The following PRKCB variants were observed in gnomAD, a reference collection of about 807,000 sequenced individuals.
PRKCB encodes protein kinase C beta type.
PRKCB carries 13 observed loss-of-function variants against 81.5 expected under a neutral mutation model. That is an observed-to-expected ratio of 0.16 (90% CI 0.10 to 0.25). The LOEUF (loss-of-function observed/expected upper bound fraction) is 0.25. Among genes scored for constraint, PRKCB ranks in the 10% least tolerant of loss-of-function variants. The pLI is 1.00. For missense variants in PRKCB, 509 were observed against 875.7 expected (o/e 0.58, Z 5.29); for synonymous variants, 335 against 321.4 (o/e 1.04, Z -0.45).
intron 2 of PRKCB, chr16:23,869,062 C>A: frequency 4.4e-6 from 2 of 449,730 alleles, no homozygotes; most frequent in East Asian, 1.4e-4. Context: ...CCACCTCATA[C>A]AAGGATTATA....
intron 4 of PRKCB, 27 bp downstream of exon 4, chr16:24,032,274 T>A (rs1158196278): frequency 6.6e-7 from 1 of 1,517,668 alleles, no homozygotes; most frequent in Non-Finnish European, 9.1e-7. Context: ...TCTGGGGGCA[T>A]CTGCTGATGG....
At chr16:23,961,042 C>A (rs1405676856) in intron 2 of PRKCB, among the ~76,000 whole-genome samples, 2 of 151,996 alleles carry the variant, frequency 1.3e-5, no homozygotes, top group Non-Finnish European at 2.9e-5. Flanking sequence ...TAATTGGCAG[C>A]TCTTTCTTTT....
chr16:24,189,567 G>A (rs564757662), intron 15 of PRKCB, among the ~76,000 whole-genome samples: 8 of 151,302 alleles, frequency 5.3e-5, no homozygotes, highest in East Asian at 1.9e-4. Flanking sequence ...GCGTGAACCC[G>A]GGAGGTGGAG....
intron 5 of PRKCB, among the ~76,000 whole-genome samples, chr16:24,074,064 G>T (rs1163470465): frequency 6.6e-6 from 1 of 151,980 alleles, no homozygotes; most frequent in African/African-American, 2.4e-5. Flanking sequence ...GAACTCAGGA[G>T]GTGGAGCTTG....
chr16:24,219,928 G>T lies in PRKCB; in HGVS notation c.*5112G>T, dbSNP rs569466338. 11 of 1,608,230 alleles carry T rather than the reference G, an allele frequency of 6.8e-6. No homozygotes were observed. Among genetic ancestry groups the T allele is most frequent in the South Asian group, 4.4e-5 (4 of 90,388 alleles). The stretch of plus-strand genomic sequence containing the variant: ...CTTGGTCCTGTGTCTTTCTTCTTAC[G>T]CTGTGTTAATGTGTTTACTTTCCAT... On this transcript the variant is annotated 3_prime_UTR_variant, in exon 17 of 17. Transcript: ENST00000643927.
At chr16:24,004,819 T>A (rs1283313652) in intron 3 of PRKCB, among the ~76,000 whole-genome samples, 1 of 152,216 alleles carries the variant, frequency 6.6e-6, no homozygotes, top group Non-Finnish European at 1.5e-5. Flanking sequence ...CTAAATCTAA[T>A]CATTTTGACC....
rs190672722 is a variant in PRKCB at position 24,000,180 on chromosome 16, A to G, written c.288+11590A>G. 3.2e-3 allele frequency among the ~76,000 whole-genome samples: 483 copies of G among 152,346 alleles called. 1 individual carries two copies. The highest frequency in any genetic ancestry group is 0.011 in the African/African-American group (460 of 41,574). On this transcript the variant is annotated intron_variant, in intron 3 of 16. Transcript: ENST00000643927. ...GAGAGGAAGTATCTATGGTTAATCT[A>G]TTGCAGATCCTGTTAACCCAAGAGG...
In PRKCB at chr16:24,032,295, G is replaced by A. The variant is rs912119535; in HGVS notation, c.400+48G>A. ...GGCATCTGCTGATGGCAGAAGCAAT[G>A]GGAAGGGCTGCTTCCACTTGGTTTG... On this transcript the variant is annotated intron_variant, in intron 4 of 16. Transcript: ENST00000643927. 4.4e-6 allele frequency: 6 copies of A among 1,364,768 alleles called. No individual in the cohort carries two copies. The South Asian group carries it at 4.8e-5, about 11-fold the overall frequency. 84.5% of individuals were successfully genotyped at this position (1,364,768 alleles called of 1,614,324 possible).
At chr16:23,947,885 CT>C (rs3073131) in intron 2 of PRKCB, among the ~76,000 whole-genome samples, 68,705 of 124,094 alleles carry the variant, frequency 0.55, 18,512 homozygotes, top group East Asian at 0.57. Context: ...TCTGGAGCCG[CT>C]TTTTTTTTTT....
intron 5 of PRKCB, among the ~76,000 whole-genome samples, chr16:24,062,062 G>A (rs145638060): frequency 1.2e-4 from 19 of 152,316 alleles, no homozygotes; most frequent in Non-Finnish European, 1.8e-4. Flanking sequence ...CCACTGCTAT[G>A]TTGTTATTAG....
chr16:24,173,698 C>T (rs1967483282), intron 11 of PRKCB, among the ~76,000 whole-genome samples: 1 of 152,182 alleles, frequency 6.6e-6, no homozygotes, highest in Non-Finnish European at 1.5e-5. Flanking sequence ...CTGGGCTTCC[C>T]AGTTCTCTTG....
At chr16:23,999,336 G>A (rs141762008) in intron 3 of PRKCB, among the ~76,000 whole-genome samples, 65 of 152,336 alleles carry the variant, frequency 4.3e-4, no homozygotes, top group Middle Eastern at 3.4e-3. Context: ...ACCCTCTGCT[G>A]TTCCAAGCCC....
intron 9 of PRKCB, among the ~76,000 whole-genome samples, chr16:24,138,291 G>C (rs1966871974): frequency 6.6e-6 from 1 of 152,310 alleles, no homozygotes; most frequent in African/African-American, 2.4e-5. Flanking sequence ...ACAAAGGGGG[G>C]CAGTGCTTAC....
At chr16:24,058,587 C>T (rs1159230720) in intron 5 of PRKCB, among the ~76,000 whole-genome samples, 2 of 151,982 alleles carry the variant, frequency 1.3e-5, no homozygotes, top group Non-Finnish European at 2.9e-5. Context: ...ATGCCTGAAT[C>T]AGACATTGAA....
intron 2 of PRKCB, among the ~76,000 whole-genome samples, chr16:23,928,482 C>T (rs1308427610): frequency 6.6e-6 from 1 of 152,072 alleles, no homozygotes; most frequent in Non-Finnish European, 1.5e-5. Context: ...TGCATGCAGT[C>T]GGGGACCCTC....
intron 8 of PRKCB, among the ~76,000 whole-genome samples, chr16:24,118,059 G>A (rs1462980123): frequency 2.0e-5 from 3 of 152,246 alleles, no homozygotes; most frequent in Admixed American, 6.5e-5. Flanking sequence ...CAGCATGCTG[G>A]TGGTGTCTTG....
In PRKCB at chr16:23,911,128, C is replaced by CTTTTTTTTTTTCTTTT. The variant is rs1963645973; in HGVS notation, c.205+73733_205+73734insCTTTTTTTTTTTTTTT. ...ATAAATAGCCATAAACGTATATATG[C>CTTTTTTTTTTTCTTTT]TTTTTTTTTTTTTTTTTTTTTTTTT... On this transcript the variant is annotated intron_variant, in intron 2 of 16. Coordinates refer to ENST00000643927, the MANE Select transcript of PRKCB (RefSeq NM_002738.7). Among the ~76,000 whole-genome samples the CTTTTTTTTTTTCTTTT allele has an allele frequency of 1.6e-4, 5 of 31,560 alleles. 1 individual carries two copies. Among genetic ancestry groups the CTTTTTTTTTTTCTTTT allele is most frequent in the Non-Finnish European group, 2.7e-4 (5 of 18,660 alleles). The allele number at this position is 31,560 out of a possible 152,430, so 20.7% of individuals were successfully genotyped here.
intron 2 of PRKCB, among the ~76,000 whole-genome samples, chr16:23,928,263 T>A (rs1246806049): frequency 6.6e-6 from 1 of 151,888 alleles, no homozygotes; most frequent in Non-Finnish European, 1.5e-5. Context: ...GTAGCTGGGA[T>A]TATAGATGCC....
At chr16:23,998,407 C>T (rs1031439752) in intron 3 of PRKCB, among the ~76,000 whole-genome samples, 10 of 152,020 alleles carry the variant, frequency 6.6e-5, no homozygotes, top group Admixed American at 3.9e-4. Context: ...GTGCCTACAC[C>T]GTAGATGAGG....
Sources: gnomAD v4.1 joint callset for allele counts (sites outside exome capture counted in the v4.1 genomes callset) on GRCh38, gnomAD v4.1.1 for gene constraint, MANE v1.5 for transcripts, NCBI Gene and HGNC (gene_info 2026-07-23, HGNC 2026-07-21) for gene names.